ZNF569: variants seen among roughly 807,000 people sequenced by gnomAD.
The protein encoded by ZNF569 is zinc finger protein 569.
Under a neutral mutation model 56.3 loss-of-function variants are expected in ZNF569, and 38 were observed. The observed-to-expected ratio is 0.68, with a 90% confidence interval of 0.52 to 0.88. The LOEUF (loss-of-function observed/expected upper bound fraction) is 0.88. Among genes scored for constraint, ZNF569 ranks in the 40% least tolerant of loss-of-function variants. The pLI is 0.00. For missense variants in ZNF569, 666 were observed against 809.2 expected (o/e 0.82, Z 2.15); for synonymous variants, 241 against 262.9 (o/e 0.92, Z 0.81).
chr19:37,423,514 T>C (rs569619542), intron 5 of ZNF569, among the ~76,000 whole-genome samples: 28 of 152,306 alleles, frequency 1.8e-4, no homozygotes, highest in African/African-American at 6.5e-4. Context: ...AATTGAACCA[T>C]ATACATTTTA....
At chr19:37,447,210 T>C (rs955880850) in intron 2 of ZNF569, among the ~76,000 whole-genome samples, 1 of 152,218 alleles carries the variant, frequency 6.6e-6, no homozygotes, top group African/African-American at 2.4e-5. Context: ...TAAAAGTATA[T>C]CTGCCATTTG....
intron 2 of ZNF569, among the ~76,000 whole-genome samples, chr19:37,447,368 G>A (rs1260331144): frequency 6.6e-6 from 1 of 151,998 alleles, no homozygotes; most frequent in African/African-American, 2.4e-5. Context: ...CAAAATAAAG[G>A]CATAAAAACA....
intron 5 of ZNF569, 113 bp from the exon 6 acceptor site, chr19:37,414,532 T>C: frequency 7.1e-7 from 1 of 1,418,334 alleles, no homozygotes; most frequent in Admixed American, 3.2e-5. Flanking sequence ...TAAGCCCTAC[T>C]CTCCCACTAT....
intron 2 of ZNF569, among the ~76,000 whole-genome samples, chr19:37,451,629 T>C (rs1017544049): frequency 6.6e-6 from 1 of 152,134 alleles, no homozygotes; most frequent in East Asian, 1.9e-4. Flanking sequence ...TGGGTGCATA[T>C]ATATTTATAA....
intron 3 of ZNF569, among the ~76,000 whole-genome samples, chr19:37,441,048 A>T (rs1011109112): frequency 1.1e-4 from 17 of 152,128 alleles, no homozygotes; most frequent in Admixed American, 8.5e-4. Flanking sequence ...AGTACATTTT[A>T]ATCTATGTTT....
rs141724905 is a variant in ZNF569, at chr19:37,422,312, G to A, written c.238+3556C>T. ...GAGACCCAGAAAAAGGGAGAGAGAC[G>A]GGAATGGGTGGTCAGTAGAATAGTC... On this transcript the variant is annotated intron_variant, in intron 5 of 5. Transcript: ENST00000316950. Among the ~76,000 whole-genome samples, 238 of 152,248 alleles carry A rather than the reference G, an allele frequency of 1.6e-3. 2 individuals carry two copies. The highest frequency in any genetic ancestry group is 0.011 in the East Asian group (57 of 5,176).
intron 2 of ZNF569, among the ~76,000 whole-genome samples, chr19:37,445,869 T>C (rs1190102399): frequency 6.6e-6 from 1 of 152,026 alleles, no homozygotes; most frequent in East Asian, 1.9e-4. Flanking sequence ...ATGACCATAT[T>C]GCCAAAAGCA....
At chr19:37,463,523 T>G (rs1422601587) in intron 2 of ZNF569, among the ~76,000 whole-genome samples, 1 of 152,208 alleles carries the variant, frequency 6.6e-6, no homozygotes, top group Non-Finnish European at 1.5e-5. Flanking sequence ...TTATTGATCA[T>G]GTGAATAGTA....
intron 2 of ZNF569, among the ~76,000 whole-genome samples, chr19:37,458,882 A>G (rs1265904742): frequency 6.6e-6 from 1 of 152,236 alleles, no homozygotes; most frequent in Non-Finnish European, 1.5e-5. Context: ...TAATAAAAAC[A>G]AAGAATGCCT....
chr19:37,464,763 T>C (rs116183484), intron 2 of ZNF569, among the ~76,000 whole-genome samples: 61 of 152,306 alleles, frequency 4.0e-4, no homozygotes, highest in Admixed American at 1.2e-3. Flanking sequence ...AGCAACACAA[T>C]TGTAGCTTCC....
chr19:37,449,530 A>T (rs976087907), intron 2 of ZNF569, among the ~76,000 whole-genome samples: 2 of 152,064 alleles, frequency 1.3e-5, no homozygotes, highest in African/African-American at 4.8e-5. Flanking sequence ...AAGCTCTGTT[A>T]GCTGCATACA....
intron 5 of ZNF569, among the ~76,000 whole-genome samples, chr19:37,418,891 G>T (rs1327215452): frequency 1.3e-5 from 2 of 152,200 alleles, no homozygotes; most frequent in Non-Finnish European, 2.9e-5. Flanking sequence ...TAATAAGGCT[G>T]AGATGTTCAG....
chr19:37,456,348 T>C (rs563725390), intron 2 of ZNF569, among the ~76,000 whole-genome samples: 1 of 152,338 alleles, frequency 6.6e-6, no homozygotes, highest in South Asian at 2.1e-4. Context: ...TTGCACGTTT[T>C]TGTTTTCATT....
chr19:37,446,534 A>T (rs2041498335), intron 2 of ZNF569, among the ~76,000 whole-genome samples: 1 of 138,120 alleles, frequency 7.2e-6, no homozygotes, highest in East Asian at 2.1e-4. Flanking sequence ...TGGGCAACAG[A>T]GCGCGACTCC....
intron 5 of ZNF569, among the ~76,000 whole-genome samples, chr19:37,421,434 T>A (rs940515215): frequency 1.3e-5 from 2 of 152,220 alleles, no homozygotes; most frequent in African/African-American, 2.4e-5. Flanking sequence ...ATCTTCTGGA[T>A]AATTTACTGC....
upstream of ZNF569, chr19:37,468,952 G>A (rs1568759655): frequency 1.4e-6 from 1 of 717,992 alleles, no homozygotes; most frequent in African/African-American, 1.9e-5. Flanking sequence ...TTGAGTAGAC[G>A]CGCCACTAGC....
intron 5 of ZNF569, among the ~76,000 whole-genome samples, chr19:37,423,859 C>T (rs1256748297): frequency 1.3e-5 from 2 of 152,010 alleles, no homozygotes; most frequent in African/African-American, 2.4e-5. Flanking sequence ...AGTTTGGCAA[C>T]GATTTTTTTA....
At chr19:37,442,401 G>T (rs887019769) in intron 3 of ZNF569, among the ~76,000 whole-genome samples, 1 of 152,156 alleles carries the variant, frequency 6.6e-6, no homozygotes, top group African/African-American at 2.4e-5. Flanking sequence ...AGCGGGGAAA[G>T]GTTAGTGAGG....
At chr19:37,440,580 T>C (rs1025380713) in intron 3 of ZNF569, among the ~76,000 whole-genome samples, 1 of 152,138 alleles carries the variant, frequency 6.6e-6, no homozygotes, top group African/African-American at 2.4e-5. Flanking sequence ...TATGTGAATT[T>C]CAGGTAAAAA....
Sources: allele counts gnomAD v4.1 joint callset (sites outside exome capture counted in the v4.1 genomes callset), GRCh38; gene constraint gnomAD v4.1.1; transcripts MANE v1.5; gene names NCBI Gene and HGNC (gene_info 2026-07-23, HGNC 2026-07-21).